EPHA6: variants seen among roughly 807,000 people sequenced by gnomAD.
EPHA6 encodes ephrin type-A receptor 6.
In EPHA6, 50 loss-of-function variants were observed where a neutral mutation model predicts 112.0. That is an observed-to-expected ratio of 0.45 (90% CI 0.36 to 0.56). The LOEUF is 0.56. Among genes scored for constraint, EPHA6 ranks in the 20% least tolerant of loss-of-function variants. The pLI, the probability that EPHA6 is intolerant of heterozygous loss-of-function variation, is 0.00. For missense variants in EPHA6, 1,280 were observed against 1,417.4 expected (o/e 0.90, Z 1.56); for synonymous variants, 529 against 490.7 (o/e 1.08, Z -1.03).
intron 6 of EPHA6, among the ~76,000 whole-genome samples, chr3:97,438,408 G>C (rs527350734): frequency 3.9e-4 from 59 of 152,204 alleles, no homozygotes; most frequent in African/African-American, 1.4e-3. Flanking sequence ...ATTACATTTA[G>C]GTTGTAGAAG....
intron 2 of EPHA6, among the ~76,000 whole-genome samples, chr3:96,932,439 AC>A (rs2040372692): frequency 6.6e-6 from 1 of 151,522 alleles, no homozygotes; most frequent in Admixed American, 6.6e-5. Flanking sequence ...CATTTACTTT[AC>A]CAAAATCCTT....
intron 1 of EPHA6, among the ~76,000 whole-genome samples, chr3:96,823,308 C>A (rs964180263): frequency 6.6e-6 from 1 of 151,330 alleles, no homozygotes; most frequent in African/African-American, 2.4e-5. Context: ...ATAAACATAC[C>A]AATGATTAAA....
intron 1 of EPHA6, among the ~76,000 whole-genome samples, chr3:96,851,813 G>A (rs957073633): frequency 6.6e-6 from 1 of 151,992 alleles, no homozygotes; most frequent in Non-Finnish European, 1.5e-5. Context: ...GGAGTGCTGC[G>A]CTTGAGGGAT....
At chr3:97,307,481 CA>C (rs2081367627) in intron 5 of EPHA6, among the ~76,000 whole-genome samples, 1 of 151,730 alleles carries the variant, frequency 6.6e-6, no homozygotes, top group South Asian at 2.1e-4. Context: ...TCAGATTCCC[CA>C]TCAGAATATA....
At chr3:96,984,765 C>T (rs1310740804) in intron 2 of EPHA6, among the ~76,000 whole-genome samples, 1 of 152,208 alleles carries the variant, frequency 6.6e-6, no homozygotes. Context: ...GGCGTCCCTC[C>T]CCCAGCCCTG....
rs2036033400 is a variant in EPHA6, at chr3:97,756,662, G to T, written c.*7961G>T. On this transcript the variant is annotated 3_prime_UTR_variant, in exon 18 of 18. Transcript: ENST00000389672. ...ATTCTTACCAAAAAAATGTAGCTTTGATAAAATTTTATGGTTTTTAGGCCT... is the reference window on the plus strand; with the variant it reads ...ATTCTTACCAAAAAAATGTAGCTTTTATAAAATTTTATGGTTTTTAGGCCT... 6.6e-6 allele frequency among the ~76,000 whole-genome samples: 1 copy of T among 151,658 alleles called. No homozygotes were observed. The highest frequency in any genetic ancestry group is 1.5e-5 in the Non-Finnish European group (1 of 67,714).
At chr3:96,824,137 T>C (rs190796446) in intron 1 of EPHA6, among the ~76,000 whole-genome samples, 13 of 150,680 alleles carry the variant, frequency 8.6e-5, no homozygotes, top group Admixed American at 2.6e-4. Context: ...TAAGAACCTG[T>C]ATAATATTGA....
intron 5 of EPHA6, among the ~76,000 whole-genome samples, chr3:97,316,259 C>T (rs2081830621): frequency 6.6e-6 from 1 of 151,838 alleles, no homozygotes; most frequent in South Asian, 2.1e-4. Flanking sequence ...ACCAAAATCA[C>T]TGTAGGCTTG....
chr3:97,287,503 G>A (rs2080514964), intron 5 of EPHA6, among the ~76,000 whole-genome samples: 1 of 151,992 alleles, frequency 6.6e-6, no homozygotes, highest in East Asian at 1.9e-4. Flanking sequence ...AAAAAAACTA[G>A]GCAAAGAAGG....
At chr3:97,731,225 C>A (rs1053153709) in intron 15 of EPHA6, among the ~76,000 whole-genome samples, 1 of 152,164 alleles carries the variant, frequency 6.6e-6, no homozygotes, top group African/African-American at 2.4e-5. Flanking sequence ...CCAGATGACT[C>A]CCTGACCGCT....
At chr3:97,269,544 G>C (rs1031537631) in intron 5 of EPHA6, among the ~76,000 whole-genome samples, 2 of 152,150 alleles carry the variant, frequency 1.3e-5, no homozygotes, top group African/African-American at 4.8e-5. Context: ...CCTTTGAGTA[G>C]CAAAGTTCTA....
chr3:97,641,645 G>A (rs577365005), intron 14 of EPHA6, among the ~76,000 whole-genome samples: 10 of 151,912 alleles, frequency 6.6e-5, no homozygotes, highest in Non-Finnish European at 1.3e-4. Flanking sequence ...GCAAGGGGTC[G>A]GAGTTCCCTT....
At position 97,754,237 on chromosome 3, in the gene EPHA6, C is replaced by A. The variant is rs938130972; in HGVS notation, c.*5536C>A. Among the ~76,000 whole-genome samples the A allele has an allele frequency of 6.6e-6, 1 of 151,758 alleles. No homozygotes were observed. Among genetic ancestry groups the A allele is most frequent in the Admixed American group, 6.6e-5 (1 of 15,254 alleles). On this transcript the variant is annotated 3_prime_UTR_variant, in exon 18 of 18. Transcript: ENST00000389672. ...CCGAGTAGCTAGGATTACAGGCATG[C>A]GCCACCACGCCCAGCTAATTTTGTA... is the stretch of plus-strand genomic sequence containing the variant.
chr3:97,168,807 G>T (rs902909022), intron 3 of EPHA6, among the ~76,000 whole-genome samples: 2 of 152,016 alleles, frequency 1.3e-5, no homozygotes, highest in Non-Finnish European at 2.9e-5. Context: ...TGGGAGAATG[G>T]GCTGATATGG....
At chr3:97,625,744 T>A (rs1352229082) in intron 13 of EPHA6, among the ~76,000 whole-genome samples, 1 of 151,700 alleles carries the variant, frequency 6.6e-6, no homozygotes, top group Non-Finnish European at 1.5e-5. Flanking sequence ...AGGATATTTT[T>A]AAAATAGATG....
rs142232962 is a variant in EPHA6, at chr3:97,575,669, T to G, written c.2387-16943T>G. Among the ~76,000 whole-genome samples the G allele has an allele frequency of 2.0e-3, 312 of 152,320 alleles. 2 individuals carry two copies. The highest frequency in any genetic ancestry group is 7.0e-3 in the African/African-American group (293 of 41,568). The stretch of plus-strand genomic sequence containing the variant: ...AGTGTGATATAAATCATAAGTATTA[T>G]TTTTAAATCTGTGGGGAGCCTTTGA... On this transcript the variant is annotated intron_variant, in intron 11 of 17. Coordinates refer to ENST00000389672, the MANE Select transcript of EPHA6 (RefSeq NM_001080448.3).
chr3:97,153,588 C>T (rs1201936744), intron 3 of EPHA6, among the ~76,000 whole-genome samples: 1 of 152,004 alleles, frequency 6.6e-6, no homozygotes, highest in Non-Finnish European at 1.5e-5. Flanking sequence ...ATACAAATCT[C>T]AGTAATAGAG....
chr3:97,727,812 AT>A (rs2034842123), intron 15 of EPHA6, among the ~76,000 whole-genome samples: 1 of 152,064 alleles, frequency 6.6e-6, no homozygotes, highest in African/African-American at 2.4e-5. Flanking sequence ...TACTAATTAC[AT>A]GAGTATGATG....
intron 3 of EPHA6, among the ~76,000 whole-genome samples, chr3:97,060,923 CA>C (rs71623565): frequency 3.9e-3 from 82 of 21,230 alleles, no homozygotes; most frequent in East Asian, 0.021. Flanking sequence ...GACTCCGTCT[CA>C]AAAAAAAAAA....
Sources: allele counts gnomAD v4.1 joint callset (sites outside exome capture counted in the v4.1 genomes callset), GRCh38; gene constraint gnomAD v4.1.1; transcripts MANE v1.5; gene names NCBI Gene and HGNC (gene_info 2026-07-23, HGNC 2026-07-21).